NCOA2: variants seen among roughly 807,000 people sequenced by gnomAD.
NCOA2 encodes the protein class E basic helix-loop-helix protein 75.
In NCOA2, 21 loss-of-function variants were observed where a neutral mutation model predicts 145.1. The ratio of observed to expected loss-of-function variants is 0.14; its 90% CI spans 0.10 to 0.21. The LOEUF is 0.21. Ranked by LOEUF, NCOA2 falls within the 10% of genes least tolerant of loss-of-function variation. The probability of loss-of-function intolerance (pLI) is 1.00; values close to 1 mark genes in which losing one functional copy is unlikely to be tolerated. For synonymous variants in NCOA2, 619 were observed against 637.5 expected (o/e 0.97, Z 0.44); for missense variants, 1,472 against 1,837.6 (o/e 0.80, Z 3.64).
At chr8:70,358,898 C>G (rs554355698) in intron 1 of NCOA2, among the ~76,000 whole-genome samples, 1 of 151,918 alleles carries the variant, frequency 6.6e-6, no homozygotes, top group South Asian at 2.1e-4. Flanking sequence ...AAAGAGAAAC[C>G]GATTAAAAAA....
intron 2 of NCOA2, among the ~76,000 whole-genome samples, chr8:70,269,546 C>T (rs1185594002): frequency 6.6e-6 from 1 of 152,162 alleles, no homozygotes; most frequent in Non-Finnish European, 1.5e-5. Flanking sequence ...CTACAGCACA[C>T]ACACTGGCAT....
intron 1 of NCOA2, among the ~76,000 whole-genome samples, chr8:70,403,436 G>A (rs887270664): frequency 2.0e-5 from 3 of 151,474 alleles, no homozygotes; most frequent in African/African-American, 7.3e-5. Context: ...CTCTCCCGGG[G>A]ACTCCGCGTC....
chr8:70,306,544 C>A (rs1435425931), intron 1 of NCOA2, among the ~76,000 whole-genome samples: 1 of 152,084 alleles, frequency 6.6e-6, no homozygotes, highest in East Asian at 1.9e-4. Flanking sequence ...ATAACAGGAG[C>A]TACCTTTTGT....
chr8:70,345,177 G>A (rs912902446), intron 1 of NCOA2, among the ~76,000 whole-genome samples: 2 of 152,210 alleles, frequency 1.3e-5, no homozygotes, highest in East Asian at 1.9e-4. Context: ...CAGGCAATGT[G>A]TGACATATGG....
At chr8:70,187,694 TTAAG>T (rs1816231360) in intron 4 of NCOA2, among the ~76,000 whole-genome samples, 2 of 152,326 alleles carry the variant, frequency 1.3e-5, no homozygotes, top group African/African-American at 2.4e-5. Flanking sequence ...GACATGGTAA[TTAAG>T]TTACTCCCTA....
intron 13 of NCOA2, among the ~76,000 whole-genome samples, chr8:70,142,797 G>GA (rs1181924406): frequency 6.6e-6 from 1 of 151,770 alleles, no homozygotes; most frequent in African/African-American, 2.4e-5. Context: ...AATATTATGG[G>GA]AAAAAGGGAT....
chr8:70,172,092 G>A (rs1814320094), intron 5 of NCOA2, among the ~76,000 whole-genome samples: 1 of 152,076 alleles, frequency 6.6e-6, no homozygotes, highest in Admixed American at 6.6e-5. Flanking sequence ...TCACAAAGGG[G>A]TGAAATTACA....
chr8:70,190,225 C>A (rs887399682), intron 4 of NCOA2, among the ~76,000 whole-genome samples: 2 of 152,132 alleles, frequency 1.3e-5, no homozygotes, highest in Non-Finnish European at 1.5e-5. Flanking sequence ...TAAGAACATA[C>A]CCTGCAGGAA....
At chr8:70,129,677 CTT>C (rs990872423) in intron 16 of NCOA2, among the ~76,000 whole-genome samples, 1 of 147,470 alleles carries the variant, frequency 6.8e-6, no homozygotes, top group Non-Finnish European at 1.5e-5. Context: ...TCACTCCTGA[CTT>C]TTTTTTTTTG....
In NCOA2 at chr8:70,273,406, C is replaced by T. The variant is rs576688503; in HGVS notation, c.-20+23338G>A. 126 of 762,496 alleles carry T rather than the reference C, an allele frequency of 1.7e-4. No individual in the cohort carries two copies. In the African/African-American group the frequency reaches 2.1e-3, roughly 13 times the overall value. 47.2% of individuals were successfully genotyped at this position (762,496 alleles called of 1,614,324 possible). On this transcript the variant is annotated intron_variant, in intron 2 of 22. Transcript: ENST00000452400. The stretch of plus-strand genomic sequence containing the variant: ...AAACAATCATGAACCAGGAAAAACT[C>T]GCCAAACTGCAGGCAAAAGTGCCCA...
chr8:70,275,415 T>G (rs1182412715), intron 2 of NCOA2, among the ~76,000 whole-genome samples: 3 of 152,136 alleles, frequency 2.0e-5, no homozygotes, highest in African/African-American at 7.2e-5. Context: ...AAATTTGAAT[T>G]TTATTTTCAA....
Position 70,336,606 on chromosome 8 carries a change from C to CGGAG in NCOA2, c.-76-39807_-76-39806insCTCC, listed in dbSNP as rs71558600. Among the ~76,000 whole-genome samples the CGGAG allele has an allele frequency of 3.4e-4, 51 of 149,304 alleles. No homozygotes were observed. The South Asian group carries it at 7.7e-3, about 22-fold the overall frequency. The stretch of plus-strand genomic sequence containing the variant: ...TACATGGTGGCAGGAGAGACAGAGA[C>CGGAG]AGAGAGGGAGAGAGAAAGAGAGAGA... On this transcript the variant is annotated intron_variant, in intron 1 of 22. Coordinates refer to ENST00000452400, the MANE Select transcript of NCOA2 (RefSeq NM_006540.4).
intron 1 of NCOA2, among the ~76,000 whole-genome samples, chr8:70,385,538 C>A (rs1812584162): frequency 6.6e-6 from 1 of 152,142 alleles, no homozygotes; most frequent in African/African-American, 2.4e-5. Context: ...GCACTCTTCC[C>A]ACCTCAGCCT....
chr8:70,124,610 C>T (rs967897201), intron 20 of NCOA2, 78 bp downstream of exon 20: 98 of 1,377,940 alleles, frequency 7.1e-5, no homozygotes, highest in Middle Eastern at 2.2e-4. Context: ...GAAAGCTCCT[C>T]GGGTGCAGGC....
At chr8:70,256,040 C>T (rs1458226224) in intron 2 of NCOA2, among the ~76,000 whole-genome samples, 1 of 152,176 alleles carries the variant, frequency 6.6e-6, no homozygotes, top group Non-Finnish European at 1.5e-5. Flanking sequence ...TGGTTCTTTA[C>T]ATACAGAAAC....
intron 5 of NCOA2, 90 bp downstream of exon 5, chr8:70,174,666 C>T (rs1245177974): frequency 2.4e-6 from 3 of 1,231,352 alleles, no homozygotes; most frequent in African/African-American, 3.0e-5. Context: ...AGTGTGGATT[C>T]TCCTTAAATT....
intron 12 of NCOA2, among the ~76,000 whole-genome samples, chr8:70,147,463 C>T (rs1195740249): frequency 6.6e-6 from 1 of 152,178 alleles, no homozygotes; most frequent in Non-Finnish European, 1.5e-5. Context: ...GGAAAAATCA[C>T]TCTGTTTTGC....
upstream of NCOA2, among the ~76,000 whole-genome samples, chr8:70,407,386 A>G (rs1396521357): frequency 6.6e-6 from 1 of 152,210 alleles, no homozygotes; most frequent in Non-Finnish European, 1.5e-5. Context: ...AATAAAGCTG[A>G]GCTTCAGAGA....
intron 21 of NCOA2, among the ~76,000 whole-genome samples, chr8:70,123,518 A>G (rs916515911): frequency 2.6e-5 from 4 of 152,102 alleles, no homozygotes; most frequent in Non-Finnish European, 4.4e-5. Context: ...CTCTCTATCA[A>G]ACAAAACAAA....
Sources: allele counts gnomAD v4.1 joint callset (sites outside exome capture counted in the v4.1 genomes callset), GRCh38; gene constraint gnomAD v4.1.1; transcripts MANE v1.5; gene names NCBI Gene and HGNC (gene_info 2026-07-23, HGNC 2026-07-21).